EPB41L4A: variants seen among roughly 807,000 people sequenced by gnomAD.
EPB41L4A encodes the protein band 4.1-like protein 4A.
EPB41L4A carries 100 observed loss-of-function variants against 108.6 expected under a neutral mutation model. The ratio of observed to expected loss-of-function variants is 0.92; its 90% CI spans 0.78 to 1.09. The LOEUF is 1.09. Ranked by LOEUF, EPB41L4A falls within the 50% of genes least tolerant of loss-of-function variation. The pLI is 0.00. For synonymous variants in EPB41L4A, 319 were observed against 289.0 expected, an observed-to-expected ratio of 1.10 and a Z score of -1.05; for missense variants, 1,030 against 842.7, an observed-to-expected ratio of 1.22 and a Z score of -2.75.
chr5:112,372,826 T>C (rs1290884140), intron 1 of EPB41L4A, among the ~76,000 whole-genome samples: 1 of 152,042 alleles, frequency 6.6e-6, no homozygotes, highest in Non-Finnish European at 1.5e-5. Flanking sequence ...AGGAAACAGA[T>C]AGGAGATTGT....
intron 1 of EPB41L4A, among the ~76,000 whole-genome samples, chr5:112,396,993 T>C (rs1207634674): frequency 2.6e-5 from 4 of 152,204 alleles, no homozygotes; most frequent in African/African-American, 4.8e-5. Context: ...CATGGGTATA[T>C]TGCATACCCA....
At chr5:112,154,313 G>C (rs1221690222) in intron 12 of EPB41L4A, among the ~76,000 whole-genome samples, 1 of 152,102 alleles carries the variant, frequency 6.6e-6, no homozygotes, top group African/African-American at 2.4e-5. Context: ...ATGATCATTA[G>C]GTTTTCATTT....
chr5:112,282,947 C>A (rs945562774), intron 2 of EPB41L4A, among the ~76,000 whole-genome samples: 1 of 151,806 alleles, frequency 6.6e-6, no homozygotes, highest in East Asian at 1.9e-4. Flanking sequence ...CTCCAGAATG[C>A]TTTTCAGTCA....
At chr5:112,266,572 C>A (rs544654997) in intron 4 of EPB41L4A, among the ~76,000 whole-genome samples, 115 of 152,302 alleles carry the variant, frequency 7.6e-4, no homozygotes, top group Non-Finnish European at 1.3e-3. Flanking sequence ...ACTTCCCAGC[C>A]CCAGCATTCA....
intron 18 of EPB41L4A, among the ~76,000 whole-genome samples, chr5:112,176,120 A>G (rs547811424): frequency 1.9e-4 from 29 of 152,296 alleles, no homozygotes; most frequent in African/African-American, 7.0e-4. Context: ...GGAACTTACT[A>G]ATAAAGGCTG....
intron 2 of EPB41L4A, among the ~76,000 whole-genome samples, chr5:112,300,794 G>A (rs1045410226): frequency 6.6e-6 from 1 of 151,828 alleles, no homozygotes; most frequent in Non-Finnish European, 1.5e-5. Context: ...TCTTAGATTT[G>A]GTCACTTAAT....
rs373252356 is a variant in EPB41L4A at position 112,169,143 on chromosome 5, A to C, written c.1740-38T>G. 1.7e-5 allele frequency: 24 copies of C among 1,412,428 alleles called. No individual in the cohort carries two copies. In the African/African-American group the frequency reaches 1.8e-4, roughly 11 times the overall value. The allele number at this position is 1,412,428 out of a possible 1,614,324, so 87.5% of individuals were successfully genotyped here. ...CCAAGAAACATGAAAACAAACACCC[A>C]AAGTCAGAAAAGGAAAAGTAGGAGT... On this transcript the variant is annotated intron_variant, in intron 20 of 22. Coordinates refer to ENST00000261486, the MANE Select transcript of EPB41L4A (RefSeq NM_022140.5).
At chr5:112,149,287 T>C (rs1759376667) in intron 12 of EPB41L4A, among the ~76,000 whole-genome samples, 1 of 152,116 alleles carries the variant, frequency 6.6e-6, no homozygotes. Context: ...CCTGACCACA[T>C]GATGAAACAC....
chr5:112,204,556 G>T, intron 14 of EPB41L4A, 68 bp from the exon 15 acceptor site: 1 of 1,000,190 alleles, frequency 1.0e-6, no homozygotes, highest in Non-Finnish European at 1.6e-6. Context: ...CCGCAGCCCA[G>T]ACCTATTCAT....
chr5:112,143,085 A>G (rs1193760753), exon 14 of EPB41L4A: 1 of 152,092 alleles, frequency 6.6e-6, no homozygotes, highest in Admixed American at 6.6e-5. Context: ...GAATGAGGCC[A>G]CCCTAGACTA....
chr5:112,277,607 G>A (rs945040665), intron 3 of EPB41L4A, among the ~76,000 whole-genome samples: 7 of 152,076 alleles, frequency 4.6e-5, no homozygotes, highest in Non-Finnish European at 7.4e-5. Flanking sequence ...TAAAATCACA[G>A]GGAAGAAAAA....
intron 18 of EPB41L4A, among the ~76,000 whole-genome samples, chr5:112,180,611 T>C (rs745466318): frequency 7.0e-6 from 1 of 143,398 alleles, no homozygotes; most frequent in Non-Finnish European, 1.5e-5. Context: ...GAAAAAGATA[T>C]AAGACTATCT....
chr5:112,393,743 G>C (rs920154114), intron 1 of EPB41L4A, among the ~76,000 whole-genome samples: 5 of 152,200 alleles, frequency 3.3e-5, no homozygotes, highest in African/African-American at 1.2e-4. Flanking sequence ...CATTTTATGA[G>C]GCCAGCATCA....
chr5:112,197,915 T>C (rs896646973), intron 15 of EPB41L4A, among the ~76,000 whole-genome samples: 10 of 152,232 alleles, frequency 6.6e-5, no homozygotes, highest in African/African-American at 2.2e-4. Flanking sequence ...GTCTTTATTC[T>C]ATACAAACAA....
intron 2 of EPB41L4A, among the ~76,000 whole-genome samples, chr5:112,306,864 G>GTT (rs1754721134): frequency 6.6e-6 from 1 of 152,016 alleles, no homozygotes; most frequent in African/African-American, 2.4e-5. Context: ...AGAACTAAAA[G>GTT]CTAAGTTGCC....
intron 17 of EPB41L4A, among the ~76,000 whole-genome samples, chr5:112,186,476 A>G (rs190179261): frequency 1.3e-4 from 20 of 152,354 alleles, no homozygotes; most frequent in African/African-American, 4.8e-4. Flanking sequence ...GAAAGAATTC[A>G]AGATTATACA....
At chr5:112,306,169 G>A (rs1171025536) in intron 2 of EPB41L4A, among the ~76,000 whole-genome samples, 1 of 152,108 alleles carries the variant, frequency 6.6e-6, no homozygotes, top group Non-Finnish European at 1.5e-5. Context: ...GGAAAAAAAT[G>A]TTATTTCAAA....
In EPB41L4A at chr5:112,367,419, A is replaced by G. The variant is rs116724269; in HGVS notation, c.99+51522T>C. Among the ~76,000 whole-genome samples, 1,162 of 152,268 alleles carry G rather than the reference A, an allele frequency of 7.6e-3. 11 individuals carry two copies. The highest frequency in any genetic ancestry group is 0.026 in the African/African-American group (1,099 of 41,552). On this transcript the variant is annotated intron_variant, in intron 1 of 22. Transcript: ENST00000261486. ...GTGCTTCTGTTTATACAAATGCCCT[A>G]TCTTCCCTTATCACTCACTGCTTAC...
At chr5:112,284,282 A>C (rs1158622475) in intron 2 of EPB41L4A, among the ~76,000 whole-genome samples, 7 of 152,164 alleles carry the variant, frequency 4.6e-5, no homozygotes, top group Non-Finnish European at 1.0e-4. Flanking sequence ...AGTCTCCTAG[A>C]GTTCTAATAG....
Sources: gnomAD v4.1 joint callset for allele counts (sites outside exome capture counted in the v4.1 genomes callset) on GRCh38, gnomAD v4.1.1 for gene constraint, MANE v1.5 for transcripts, NCBI Gene and HGNC (gene_info 2026-07-23, HGNC 2026-07-21) for gene names.